Variants in NSMAF observed in about 807,000 individuals in gnomAD.
NSMAF encodes neutral sphingomyelinase activation associated factor, also known as protein FAN.
NSMAF carries 90 observed loss-of-function variants against 134.9 expected under a neutral mutation model. The ratio of observed to expected loss-of-function variants is 0.67; its 90% CI spans 0.56 to 0.79. The LOEUF is 0.79. Ranked by LOEUF, NSMAF falls within the 30% of genes least tolerant of loss-of-function variation. The pLI is 0.00. For missense variants in NSMAF, 1,010 were observed against 1,119.0 expected, an observed-to-expected ratio of 0.90 and a Z score of 1.39; for synonymous variants, 358 against 389.6, an observed-to-expected ratio of 0.92 and a Z score of 0.96.
intron 21 of NSMAF, among the ~76,000 whole-genome samples, chr8:58,596,655 C>G (rs956161791): frequency 6.6e-6 from 1 of 152,100 alleles, no homozygotes; most frequent in Non-Finnish European, 1.5e-5. Context: ...TGGGGCCGAG[C>G]GCGGTGGCTC....
intron 1 of NSMAF, among the ~76,000 whole-genome samples, chr8:58,646,536 AAC>A (rs775251310): frequency 6.6e-6 from 1 of 152,244 alleles, no homozygotes; most frequent in Non-Finnish European, 1.5e-5. Flanking sequence ...AGAAATGTAA[AAC>A]ACACAGTGAA....
chr8:58,634,966 A>G (rs1807135603), intron 5 of NSMAF, among the ~76,000 whole-genome samples: 1 of 152,226 alleles, frequency 6.6e-6, no homozygotes, highest in African/African-American at 2.4e-5. Context: ...TGAGAGCTCC[A>G]AGGACAAAAC....
At chr8:58,596,294 C>T (rs1456234355) in intron 21 of NSMAF, among the ~76,000 whole-genome samples, 1 of 152,164 alleles carries the variant, frequency 6.6e-6, no homozygotes, top group Admixed American at 6.5e-5. Flanking sequence ...TTTCTCCATG[C>T]TTGAGAGAAT....
chr8:58,604,778 C>T (rs1281879326), intron 12 of NSMAF, among the ~76,000 whole-genome samples: 1 of 152,120 alleles, frequency 6.6e-6, no homozygotes, highest in Non-Finnish European at 1.5e-5. Flanking sequence ...GGGTCTCACT[C>T]TGTCACCCAG....
chr8:58,592,905 AAAC>A (rs536899375), intron 23 of NSMAF, among the ~76,000 whole-genome samples: 1 of 118,794 alleles, frequency 8.4e-6, no homozygotes, highest in Non-Finnish European at 1.7e-5. Flanking sequence ...ACAAAAACAA[AAAC>A]AACAACAACA....
At chr8:58,592,625 T>C (rs1296883310) in intron 23 of NSMAF, among the ~76,000 whole-genome samples, 1 of 152,208 alleles carries the variant, frequency 6.6e-6, no homozygotes, top group Non-Finnish European at 1.5e-5. Context: ...TGGTGGCCCA[T>C]GCCTGTAATC....
At chr8:58,598,525 AAAG>A (rs916701582) in intron 19 of NSMAF, among the ~76,000 whole-genome samples, 2 of 151,538 alleles carry the variant, frequency 1.3e-5, no homozygotes, top group African/African-American at 4.8e-5. Context: ...AAAAAAAAGA[AAAG>A]AAAAGGAAAA....
At chr8:58,620,500 C>T (rs866791211) in intron 9 of NSMAF, among the ~76,000 whole-genome samples, 3 of 152,004 alleles carry the variant, frequency 2.0e-5, no homozygotes, top group East Asian at 1.9e-4. Context: ...GGGATGGGGG[C>T]GTCTTGAAAA....
rs192721260 is a variant in NSMAF at position 58,620,256 on chromosome 8, G to T, written c.557+2964C>A. ...AGAACTGAGAGCACAGCTGAAATAA[G>T]AAGAATAAGCAACAGCCAGGTGCAG... On this transcript the variant is annotated intron_variant, in intron 9 of 30. Coordinates refer to ENST00000038176, the MANE Select transcript of NSMAF (RefSeq NM_003580.4). Among the ~76,000 whole-genome samples, 9 of 152,306 alleles carry T rather than the reference G, an allele frequency of 5.9e-5. No individual in the cohort carries two copies. In the East Asian group the frequency reaches 1.7e-3, roughly 29 times the overall value.
chr8:58,623,646 G>A (rs577177543), intron 7 of NSMAF, 63 bp downstream of exon 7: 32 of 1,411,778 alleles, frequency 2.3e-5, no homozygotes, highest in African/African-American at 5.7e-5. Flanking sequence ...ATATAAATAC[G>A]AAATTTATAA....
chr8:58,632,841 A>G (rs935740195), intron 5 of NSMAF, among the ~76,000 whole-genome samples: 2 of 152,084 alleles, frequency 1.3e-5, no homozygotes. Context: ...GCTCCTTCCC[A>G]ACTCTCTTTA....
chr8:58,638,016 G>C (rs1036662472), intron 2 of NSMAF, among the ~76,000 whole-genome samples: 9 of 152,112 alleles, frequency 5.9e-5, no homozygotes, highest in Admixed American at 5.2e-4. Context: ...CATTGATATT[G>C]ACCCACAAAA....
chr8:58,601,659 G>A, intron 14 of NSMAF, 124 bp from the exon 15 acceptor site: 4 of 1,308,854 alleles, frequency 3.1e-6, no homozygotes, highest in South Asian at 3.4e-5. Context: ...TTCTCTGTTA[G>A]ATAAGAAAAG....
rs550971022 is a variant in NSMAF at position 58,604,844 on chromosome 8, A to G, written c.868+1083T>C. ...CTGCAGCCTTGACCTCCCAGGCTCA[A>G]GCGATCCTCCCACTTCAGCCTCTCG... On this transcript the variant is annotated intron_variant, in intron 12 of 30. Coordinates refer to ENST00000038176, the MANE Select transcript of NSMAF (RefSeq NM_003580.4). Among the ~76,000 whole-genome samples the G allele has an allele frequency of 2.5e-4, 38 of 152,208 alleles. 1 individual carries two copies. The East Asian group carries it at 7.3e-3, about 29-fold the overall frequency.
chr8:58,601,397 A>C, intron 15 of NSMAF, 48 bp downstream of exon 15: 1 of 1,606,522 alleles, frequency 6.2e-7, no homozygotes, highest in Non-Finnish European at 8.5e-7. Flanking sequence ...ATCATTGAAG[A>C]ATACAGTGAA....
intron 10 of NSMAF, among the ~76,000 whole-genome samples, chr8:58,608,197 T>A (rs1806451566): frequency 6.6e-6 from 1 of 152,202 alleles, no homozygotes; most frequent in African/African-American, 2.4e-5. Flanking sequence ...CTCTCAGGAA[T>A]CTTGCTATCT....
chr8:58,652,693 C>T (rs1807614159), intron 1 of NSMAF, among the ~76,000 whole-genome samples: 1 of 152,222 alleles, frequency 6.6e-6, no homozygotes. Context: ...GGTACCCCCC[C>T]AACACCCCAG....
In NSMAF at chr8:58,589,990, G is replaced by C; in HGVS notation, c.2087+17C>G. On this transcript the variant is annotated intron_variant, in intron 25 of 30. Coordinates refer to ENST00000038176, the MANE Select transcript of NSMAF (RefSeq NM_003580.4). ...TTCTGCACGTCGAATCACAGAGCAG[G>C]GTGCACAGATACATACACATTATTA... The C allele has an allele frequency of 6.2e-7, 1 of 1,608,012 alleles. No individual in the cohort carries two copies. Among genetic ancestry groups the C allele is most frequent in the Non-Finnish European group, 8.5e-7 (1 of 1,174,670 alleles).
chr8:58,655,862 G>A (rs570334722), intron 1 of NSMAF, among the ~76,000 whole-genome samples: 77 of 151,562 alleles, frequency 5.1e-4, no homozygotes, highest in Middle Eastern at 3.5e-3. Flanking sequence ...GGCTGAGATC[G>A]TGCCACTGCA....
Sources: gnomAD v4.1 joint callset for allele counts (sites outside exome capture counted in the v4.1 genomes callset) on GRCh38, gnomAD v4.1.1 for gene constraint, MANE v1.5 for transcripts, NCBI Gene and HGNC (gene_info 2026-07-23, HGNC 2026-07-21) for gene names.